The following PSD3 variants were observed in gnomAD, a reference collection of about 807,000 sequenced individuals.
PSD3 encodes PH and SEC7 domain-containing protein 3.
In PSD3, 49 loss-of-function variants were observed where a neutral mutation model predicts 105.5. The observed-to-expected ratio is 0.46, with a 90% CI of 0.37 to 0.59. The LOEUF (loss-of-function observed/expected upper bound fraction) is 0.59, where lower values mean the gene tolerates loss of function less well. Among genes scored for constraint, PSD3 ranks in the 20% least tolerant of loss-of-function variants. PSD3 has a pLI of 0.00. For missense variants in PSD3, 1,561 were observed against 1,263.8 expected (o/e 1.24, Z -3.57); for synonymous variants, 557 against 457.8 (o/e 1.22, Z -2.77).
intron 2 of PSD3, among the ~76,000 whole-genome samples, chr8:18,878,202 CT>C: frequency 6.6e-6 from 1 of 151,976 alleles, no homozygotes; most frequent in South Asian, 2.1e-4. Flanking sequence ...GATTCTATTT[CT>C]TTTGATATTG....
At chr8:18,922,284 C>T (rs1821074116) in intron 2 of PSD3, among the ~76,000 whole-genome samples, 1 of 152,122 alleles carries the variant, frequency 6.6e-6, no homozygotes, top group South Asian at 2.1e-4. Flanking sequence ...CAATAAAAGG[C>T]AAGCTCTCCA....
At chr8:18,840,285 A>G (rs903042294) in intron 4 of PSD3, among the ~76,000 whole-genome samples, 3 of 152,210 alleles carry the variant, frequency 2.0e-5, no homozygotes, top group Non-Finnish European at 4.4e-5. Context: ...TGTGGGGTGC[A>G]TTAAACCAAA....
intron 2 of PSD3, among the ~76,000 whole-genome samples, chr8:18,892,923 C>G (rs1818906984): frequency 6.6e-6 from 1 of 152,130 alleles, no homozygotes; most frequent in Admixed American, 6.6e-5. Flanking sequence ...CCGTGCCCAG[C>G]CCCTAAGTAA....
intron 9 of PSD3, among the ~76,000 whole-genome samples, chr8:18,675,126 T>C (rs1799998169): frequency 1.3e-5 from 2 of 152,242 alleles, no homozygotes; most frequent in Admixed American, 6.5e-5. Context: ...CTTGTATCTG[T>C]ACGTCTAGTT....
At chr8:19,009,481 T>C (rs1826856570) in intron 1 of PSD3, among the ~76,000 whole-genome samples, 1 of 152,182 alleles carries the variant, frequency 6.6e-6, no homozygotes, top group African/African-American at 2.4e-5. Flanking sequence ...ACTGACCTCA[T>C]GGGTTGTCAT....
intron 9 of PSD3, among the ~76,000 whole-genome samples, chr8:18,763,661 G>C (rs985024902): frequency 6.6e-6 from 1 of 151,984 alleles, no homozygotes; most frequent in African/African-American, 2.4e-5. Context: ...GGGAGGAAAG[G>C]GAAGGAAAAC....
intron 2 of PSD3, among the ~76,000 whole-genome samples, chr8:18,921,160 A>G (rs1057319946): frequency 6.6e-6 from 1 of 152,198 alleles, no homozygotes; most frequent in Admixed American, 6.5e-5. Flanking sequence ...ACATATTTCA[A>G]TTTCAGAATT....
chr8:18,745,167 T>C (rs1055849192), intron 9 of PSD3, among the ~76,000 whole-genome samples: 1 of 152,206 alleles, frequency 6.6e-6, no homozygotes, highest in East Asian at 1.9e-4. Context: ...TTTCCCCTCA[T>C]AATGAATAAA....
At chr8:18,913,614 C>T (rs115224785) in intron 2 of PSD3, among the ~76,000 whole-genome samples, 1 of 152,014 alleles carries the variant, frequency 6.6e-6, no homozygotes, top group African/African-American at 2.4e-5. Flanking sequence ...CTGCCACGAA[C>T]CCAGGACCCA....
intron 10 of PSD3, among the ~76,000 whole-genome samples, chr8:18,637,182 G>C (rs1021489000): frequency 3.3e-5 from 5 of 152,156 alleles, no homozygotes; most frequent in African/African-American, 1.2e-4. Context: ...CAGTGTTTGT[G>C]TACATTTCTT....
At chr8:18,703,578 T>C (rs1375550368) in intron 9 of PSD3, among the ~76,000 whole-genome samples, 1 of 152,158 alleles carries the variant, frequency 6.6e-6, no homozygotes, top group Admixed American at 6.5e-5. Flanking sequence ...AGAGATCCCA[T>C]ATAGAGAATT....
chr8:18,688,188 A>T (rs886122185), intron 9 of PSD3, among the ~76,000 whole-genome samples: 6 of 152,108 alleles, frequency 3.9e-5, no homozygotes, highest in Admixed American at 6.5e-5. Flanking sequence ...GACTCAAGTG[A>T]TCCTCATGCC....
At chr8:18,623,122 C>A (rs1275750385) in intron 11 of PSD3, among the ~76,000 whole-genome samples, 1 of 152,056 alleles carries the variant, frequency 6.6e-6, no homozygotes, top group Non-Finnish European at 1.5e-5. Flanking sequence ...TAGATTCAAA[C>A]GGTCCTCCTG....
intron 1 of PSD3, among the ~76,000 whole-genome samples, chr8:18,966,988 A>T (rs1358389471): frequency 1.3e-5 from 2 of 152,176 alleles, no homozygotes; most frequent in Non-Finnish European, 2.9e-5. Flanking sequence ...CCAAAAACAG[A>T]ACAAAGCAAC....
At chr8:18,714,450 C>T (rs1226340919) in intron 9 of PSD3, among the ~76,000 whole-genome samples, 1 of 149,322 alleles carries the variant, frequency 6.7e-6, no homozygotes, top group Non-Finnish European at 1.5e-5. Flanking sequence ...AACCAAACAA[C>T]CCCATCAAAA....
chr8:18,679,151 A>C (rs1198386410), intron 9 of PSD3, among the ~76,000 whole-genome samples: 1 of 152,246 alleles, frequency 6.6e-6, no homozygotes, highest in Non-Finnish European at 1.5e-5. Context: ...CTAAAGAGCA[A>C]AAGTGGTCTA....
Position 18,915,969 on chromosome 8 carries a change from G to C in PSD3, c.130+20065C>G, listed in dbSNP as rs191001784. Among the ~76,000 whole-genome samples the C allele has an allele frequency of 2.4e-3, 367 of 152,036 alleles. 1 individual carries two copies. Among genetic ancestry groups the C allele is most frequent in the African/African-American group, 8.5e-3 (353 of 41,478 alleles). ...AATTAGCCAGGCATGGGTGGCACATGCCTGTAATCCCAGCTACTCGGGAGG... is the reference window on the plus strand; with the variant it reads ...AATTAGCCAGGCATGGGTGGCACATCCCTGTAATCCCAGCTACTCGGGAGG... On this transcript the variant is annotated intron_variant, in intron 2 of 15. Coordinates refer to ENST00000327040, the MANE Select transcript of PSD3 (RefSeq NM_015310.4).
rs149062500 is a variant in PSD3 at position 18,922,220 on chromosome 8, G to C, written c.130+13814C>G. Among the ~76,000 whole-genome samples the C allele has an allele frequency of 7.5e-4, 114 of 152,246 alleles. 1 individual carries two copies. Among genetic ancestry groups the C allele is most frequent in the African/African-American group, 2.6e-3 (109 of 41,544 alleles). On this transcript the variant is annotated intron_variant, in intron 2 of 15. Coordinates refer to ENST00000327040, the MANE Select transcript of PSD3 (RefSeq NM_015310.4). ...GTTCAGGGATTCTGCAACATCTCAA[G>C]GACCTAAAGTTTACTCTAACACGTC...
At chr8:18,807,970 TAACAC>T (rs959840843) in intron 4 of PSD3, among the ~76,000 whole-genome samples, 1 of 152,144 alleles carries the variant, frequency 6.6e-6, no homozygotes, top group African/African-American at 2.4e-5. Context: ...AAAAGAGACT[TAACAC>T]TACCATTCAG....
Sources: allele counts gnomAD v4.1 joint callset (sites outside exome capture counted in the v4.1 genomes callset), GRCh38; gene constraint gnomAD v4.1.1; transcripts MANE v1.5; gene names NCBI Gene and HGNC (gene_info 2026-07-23, HGNC 2026-07-21).